The following C16orf96 variants were observed in gnomAD, a reference collection of about 807,000 sequenced individuals.
C16orf96 encodes the protein uncharacterized protein C16orf96.
In C16orf96, 108 loss-of-function variants were observed where a neutral mutation model predicts 103.6. The ratio of observed to expected loss-of-function variants is 1.04; its 90% confidence interval spans 0.89 to 1.22. C16orf96 has a LOEUF of 1.22. Among genes scored for constraint, C16orf96 ranks in the 50% most tolerant of loss-of-function variants. C16orf96 has a pLI of 0.00. For missense variants in C16orf96, 1,586 were observed against 1,464.2 expected (o/e 1.08, Z -1.36); for synonymous variants, 566 against 593.5 (o/e 0.95, Z 0.67).
intron 2 of C16orf96, among the ~76,000 whole-genome samples, chr16:4,573,519 G>A (rs1391624240): frequency 6.7e-6 from 1 of 149,908 alleles, no homozygotes; most frequent in Non-Finnish European, 1.5e-5. Flanking sequence ...TTGGGAGGCT[G>A]AGGTGGGCAG....
chr16:4,597,040 C>A (rs1462119960), intron 14 of C16orf96, among the ~76,000 whole-genome samples: 3 of 152,224 alleles, frequency 2.0e-5, no homozygotes, highest in African/African-American at 7.2e-5. Context: ...AAGACCCTTT[C>A]TCCAAATAAG....
chr16:4,584,884 T>G (rs905094091), intron 7 of C16orf96, among the ~76,000 whole-genome samples: 1 of 152,104 alleles, frequency 6.6e-6, no homozygotes, highest in Admixed American at 6.5e-5. Flanking sequence ...TTGGCTAGGC[T>G]GGTCTCGAAC....
intron 1 of C16orf96, among the ~76,000 whole-genome samples, chr16:4,557,581 A>T (rs2059279570): frequency 6.6e-6 from 1 of 152,184 alleles, no homozygotes; most frequent in South Asian, 2.1e-4. Context: ...TTGGAACTAG[A>T]TGGAGGTGGT....
intron 7 of C16orf96, among the ~76,000 whole-genome samples, 185 bp downstream of exon 7, chr16:4,580,310 A>AACC (rs2059568338): frequency 9.6e-6 from 1 of 104,504 alleles, no homozygotes; most frequent in Non-Finnish European, 2.0e-5. Context: ...GAATCCCACC[A>AACC]CCCCCCCCCA....
chr16:4,569,826 A>G (rs1021787518), intron 1 of C16orf96, among the ~76,000 whole-genome samples: 1 of 152,128 alleles, frequency 6.6e-6, no homozygotes, highest in Admixed American at 6.6e-5. Flanking sequence ...CACGCCCCTT[A>G]TAGGACTTTC....
intron 2 of C16orf96, among the ~76,000 whole-genome samples, chr16:4,572,184 G>A (rs771645363): frequency 7.9e-5 from 12 of 152,044 alleles, no homozygotes; most frequent in Non-Finnish European, 7.4e-5. Flanking sequence ...GTGTTAAAAC[G>A]TTAGTTGTAA....
At chr16:4,598,486 C>G (rs1164974880) in intron 14 of C16orf96, among the ~76,000 whole-genome samples, 3 of 152,024 alleles carry the variant, frequency 2.0e-5, no homozygotes, top group Non-Finnish European at 4.4e-5. Context: ...GGACAGGGCC[C>G]CTTTTGGGGT....
chr16:4,563,910 G>A (rs924807730), intron 1 of C16orf96, among the ~76,000 whole-genome samples: 105 of 151,512 alleles, frequency 6.9e-4, no homozygotes, highest in African/African-American at 2.5e-3. Context: ...TAAGACTAGT[G>A]GTAACTGCCA....
chr16:4,565,114 T>TA (rs2059373363), intron 1 of C16orf96, among the ~76,000 whole-genome samples: 1 of 152,144 alleles, frequency 6.6e-6, no homozygotes, highest in East Asian at 1.9e-4. Flanking sequence ...TCAGGCCTCT[T>TA]AAGGCCTTTG....
At chr16:4,572,930 C>T (rs543836132) in intron 2 of C16orf96, among the ~76,000 whole-genome samples, 60 of 152,274 alleles carry the variant, frequency 3.9e-4, no homozygotes, top group Non-Finnish European at 7.6e-4. Context: ...CTGAAGCCAG[C>T]TCTCCACACC....
intron 2 of C16orf96, 50 bp downstream of exon 2, chr16:4,571,715 TG>T: frequency 7.3e-7 from 1 of 1,362,486 alleles, no homozygotes; most frequent in Non-Finnish European, 9.8e-7. Context: ...CTCAGGCCTC[TG>T]GGGGTTGGAG....
rs868709225 is a variant in C16orf96, at chr16:4,578,955, C to A, written c.2171C>A (p.Pro724His). ...CTGCTTTCAGCCAATATGGGAGGTC[C>A]TTCCAGCCTCGGGACAACAGTGGAC... Reference protein sequence around the residue: ...RLSYLANMGGPSSLGTTVDIL... With the variant: ...RLSYLANMGGHSSLGTTVDIL... Residue 724 changes from proline (P) to histidine (H), a missense_variant, in exon 6 of 16, where the codon CCT becomes CAT. Transcript: ENST00000444310. The A allele has an allele frequency of 6.4e-7, 1 of 1,551,340 alleles. No homozygotes were observed. Among genetic ancestry groups the A allele is most frequent in the Admixed American group, 2.0e-5 (1 of 50,980 alleles).
chr16:4,552,217 C>A (rs1029498870), upstream of C16orf96, among the ~76,000 whole-genome samples: 2 of 152,110 alleles, frequency 1.3e-5, no homozygotes, highest in African/African-American at 4.8e-5. Context: ...CGCGGTGGCT[C>A]ACGCCTGTAA....
intron 1 of C16orf96, among the ~76,000 whole-genome samples, chr16:4,559,085 A>G (rs1199497772): frequency 6.6e-6 from 1 of 152,166 alleles, no homozygotes. Context: ...TCTTGTCTCC[A>G]AAAAGGAGAC....
chr16:4,562,148 C>T (rs909408077), intron 1 of C16orf96, among the ~76,000 whole-genome samples: 1 of 152,088 alleles, frequency 6.6e-6, no homozygotes, highest in African/African-American at 2.4e-5. Context: ...TTTCATGATG[C>T]CAATGGGGAA....
At chr16:4,549,884 G>T in the C16orf96 span, among the ~76,000 whole-genome samples, 1 of 152,118 alleles carries the variant, frequency 6.6e-6, no homozygotes, top group Non-Finnish European at 1.5e-5. Flanking sequence ...TCCACAATTT[G>T]AAGCTTCCTG....
At chr16:4,592,277 C>T (rs1897076715) in intron 10 of C16orf96, 28 bp from the exon 11 acceptor site, 2 of 1,551,292 alleles carry the variant, frequency 1.3e-6, no homozygotes, top group African/African-American at 1.4e-5. Flanking sequence ...CCAGCAGGGG[C>T]AGCGGCTGAT....
intron 12 of C16orf96, 41 bp from the exon 13 acceptor site, chr16:4,594,310 C>T: frequency 6.5e-7 from 1 of 1,542,992 alleles, no homozygotes; most frequent in Non-Finnish European, 8.8e-7. Flanking sequence ...CTCTGGGGTA[C>T]AGGGTCTCCA....
At chr16:4,556,959 C>G (rs2141686915) in intron 1 of C16orf96, 50 bp downstream of exon 1, 5 of 1,486,146 alleles carry the variant, frequency 3.4e-6, no homozygotes, top group South Asian at 2.7e-5. Context: ...ACCACTGGCT[C>G]TCTCCTGGGA....
Sources: gnomAD v4.1 joint callset for allele counts (sites outside exome capture counted in the v4.1 genomes callset) on GRCh38, gnomAD v4.1.1 for gene constraint, MANE v1.5 for transcripts, NCBI Gene and HGNC (gene_info 2026-07-23, HGNC 2026-07-21) for gene names.